Variants in AK7 observed in about 807,000 individuals in gnomAD.
AK7 encodes ATP-AMP transphosphorylase 7.
In AK7, 78 loss-of-function variants were observed where a neutral mutation model predicts 96.6. The ratio of observed to expected loss-of-function variants is 0.81; its 90% CI spans 0.67 to 0.97. The LOEUF is 0.97. Among genes scored for constraint, AK7 ranks in the 50% least tolerant of loss-of-function variants. AK7 has a pLI of 0.00. For synonymous variants in AK7, 302 were observed against 317.2 expected, an observed-to-expected ratio of 0.95 and a Z score of 0.51; for missense variants, 855 against 887.9, an observed-to-expected ratio of 0.96 and a Z score of 0.47.
chr14:96,451,618 A>G, intron 10 of AK7, 48 bp downstream of exon 10: 1 of 1,391,860 alleles, frequency 7.2e-7, no homozygotes. Context: ...AGCAAAATGA[A>G]TCAAACTTCT....
rs1409855243 is a variant in AK7, at chr14:96,392,455, T to A, written c.105+196T>A. ...CCCAGGCTGGTCAAGAGATTCTACA[T>A]GGAAGCTCAGGTGTCTGGAAATCAC... On this transcript the variant is annotated intron_variant, in intron 1 of 17. Transcript: ENST00000267584. 2.6e-5 allele frequency among the ~76,000 whole-genome samples: 4 copies of A among 152,228 alleles called. No homozygotes were observed. In the East Asian group the frequency reaches 5.8e-4, roughly 22 times the overall value.
At chr14:96,477,603 T>C (rs572932982) in intron 14 of AK7, among the ~76,000 whole-genome samples, 16 of 152,214 alleles carry the variant, frequency 1.1e-4, no homozygotes, top group Non-Finnish European at 2.2e-4. Context: ...ATCTATTGAA[T>C]TTGTACTAGA....
intron 17 of AK7, 88 bp downstream of exon 17, chr14:96,487,144 G>A: frequency 5.0e-6 from 7 of 1,405,776 alleles, no homozygotes; most frequent in South Asian, 4.8e-5. Context: ...GGAGGCCAAG[G>A]TCAGGGGATC....
rs746219659 is a variant in AK7 at position 96,437,895 on chromosome 14, A to G, written c.670A>G (p.Met224Val). ...AGLQYGAEGG[M>V]LHTFFKMAWL... ...ACTCCAGTATGGAGCGGAAGGAGGC[A>G]TGTTACACACATTTTTTAAGGTATG... Residue 224 changes from methionine to valine, a missense_variant, in exon 6 of 18, where the codon ATG becomes GTG. Transcript: ENST00000267584. The G allele has an allele frequency of 6.2e-6, 10 of 1,613,790 alleles. No individual in the cohort carries two copies. Among genetic ancestry groups the G allele is most frequent in the Admixed American group, 1.7e-5 (1 of 59,956 alleles).
chr14:96,451,680 A>G (rs1476343377), intron 10 of AK7, 110 bp downstream of exon 10: 7 of 1,177,450 alleles, frequency 5.9e-6, no homozygotes, highest in East Asian at 6.0e-5. Flanking sequence ...TCAAATTTCT[A>G]ATTTCAAGTT....
intron 5 of AK7, among the ~76,000 whole-genome samples, chr14:96,427,652 T>C (rs925975706): frequency 6.6e-6 from 1 of 152,226 alleles, no homozygotes. Flanking sequence ...GGATTGTTGA[T>C]ATCTTTCTCT....
chr14:96,479,750 T>C (rs1442744023), intron 15 of AK7, among the ~76,000 whole-genome samples: 1 of 152,176 alleles, frequency 6.6e-6, no homozygotes, highest in African/African-American at 2.4e-5. Context: ...CCTTTCTGGT[T>C]TTCTGGACCT....
intron 15 of AK7, among the ~76,000 whole-genome samples, chr14:96,482,533 C>G (rs1298420302): frequency 6.6e-6 from 1 of 152,124 alleles, no homozygotes; most frequent in African/African-American, 2.4e-5. Context: ...GGATATTTTT[C>G]CTATTCAAGT....
rs148529769 is a variant in AK7 at position 96,440,661 on chromosome 14, T to C, written c.691-2069T>C. Among the ~76,000 whole-genome samples the C allele has an allele frequency of 1.1e-4, 17 of 152,298 alleles. No individual in the cohort carries two copies. In the East Asian group the frequency reaches 3.3e-3, roughly 29 times the overall value. ...TGGGGTAACCCTCCAACCAGCTACA[T>C]GATCAGAATCCAACTCCTCCCTCCT... On this transcript the variant is annotated intron_variant, in intron 6 of 17. Coordinates refer to ENST00000267584, the MANE Select transcript of AK7 (RefSeq NM_152327.5).
intron 10 of AK7, among the ~76,000 whole-genome samples, chr14:96,454,662 AAT>A (rs1893792291): frequency 7.1e-6 from 1 of 141,490 alleles, no homozygotes; most frequent in Non-Finnish European, 1.6e-5. Flanking sequence ...ATTTAAAAAA[AAT>A]TTTTTTTTTT....
intron 6 of AK7, among the ~76,000 whole-genome samples, chr14:96,442,376 T>C (rs1272371921): frequency 6.6e-6 from 1 of 152,270 alleles, no homozygotes; most frequent in African/African-American, 2.4e-5. Flanking sequence ...TTCTTCTCTA[T>C]GTGAATGCCA....
chr14:96,475,404 G>T (rs118072049), intron 14 of AK7, among the ~76,000 whole-genome samples: 1,957 of 152,280 alleles, frequency 0.013, 26 homozygotes, highest in Non-Finnish European at 0.018. Context: ...GATCAATGCC[G>T]TTGTTGGGGT....
chr14:96,455,263 T>G (rs1893831430), intron 10 of AK7, among the ~76,000 whole-genome samples: 1 of 152,132 alleles, frequency 6.6e-6, no homozygotes, highest in Non-Finnish European at 1.5e-5. Flanking sequence ...GGCGGGAGGA[T>G]TCCTTGAGTG....
At chr14:96,486,808 C>G in intron 16 of AK7, 90 bp from the exon 17 acceptor site, 3 of 1,167,510 alleles carry the variant, frequency 2.6e-6, no homozygotes, top group Non-Finnish European at 3.7e-6. Flanking sequence ...CCATTTCTAG[C>G]AGTGTCTCAA....
chr14:96,392,284 C>G (rs1003503803), intron 1 of AK7, 25 bp downstream of exon 1: 37 of 1,583,234 alleles, frequency 2.3e-5, no homozygotes, highest in Non-Finnish European at 3.0e-5. Flanking sequence ...CGGCCCAGAG[C>G]CTCACGCCAG....
At chr14:96,471,757 T>G (rs1894904757) in intron 13 of AK7, 151 bp downstream of exon 13, 4 of 632,550 alleles carry the variant, frequency 6.3e-6, no homozygotes, top group Non-Finnish European at 9.4e-6. Context: ...GTAGCTTTTT[T>G]TTTTCTTTTT....
chr14:96,442,694 A>C (rs770897429), intron 6 of AK7, 36 bp from the exon 7 acceptor site: 4 of 1,533,206 alleles, frequency 2.6e-6, no homozygotes, highest in Admixed American at 1.7e-5. Context: ...ATCCACATAT[A>C]ACTGGGGGAC....
intron 12 of AK7, among the ~76,000 whole-genome samples, chr14:96,458,904 T>G (rs1894093151): frequency 8.8e-6 from 1 of 113,448 alleles, no homozygotes. Context: ...AGTAAGATCC[T>G]GTCTCAACAA....
chr14:96,481,697 C>T (rs533305973), intron 15 of AK7, among the ~76,000 whole-genome samples: 115 of 146,118 alleles, frequency 7.9e-4, no homozygotes, highest in African/African-American at 2.9e-3. Flanking sequence ...ACCGATATGA[C>T]TTTTACCTTT....
Sources: allele counts gnomAD v4.1 joint callset (sites outside exome capture counted in the v4.1 genomes callset), GRCh38; gene constraint gnomAD v4.1.1; transcripts MANE v1.5; gene names NCBI Gene and HGNC (gene_info 2026-07-23, HGNC 2026-07-21).